Variants in RALGAPA1 observed in about 807,000 individuals in gnomAD.
RALGAPA1 encodes the protein ral GTPase-activating protein subunit alpha-1.
A neutral mutation model predicts 269.6 loss-of-function variants in RALGAPA1; 52 were observed. That is an observed-to-expected ratio of 0.19 (90% CI 0.15 to 0.24). The LOEUF (loss-of-function observed/expected upper bound fraction) is 0.24, where lower values mean the gene tolerates loss of function less well. Ranked by LOEUF, RALGAPA1 falls within the 10% of genes least tolerant of loss-of-function variation. The pLI, the probability that RALGAPA1 is intolerant of heterozygous loss-of-function variation, is 1.00. For missense variants in RALGAPA1, 1,917 were observed against 3,013.9 expected (o/e 0.64, Z 8.52); for synonymous variants, 817 against 1,008.3 (o/e 0.81, Z 3.60).
In RALGAPA1 at chr14:35,766,112, T is replaced by C. The variant is rs1262547459; in HGVS notation, c.326-3359A>G. The C allele has an allele frequency of 7.6e-6, 8 of 1,047,294 alleles. No individual in the cohort carries two copies. The African/African-American group carries it at 1.1e-4, about 14-fold the overall frequency. The allele number at this position is 1,047,294 out of a possible 1,614,324, so 64.9% of individuals were successfully genotyped here. The stretch of plus-strand genomic sequence containing the variant: ...GCTATGCGGCTTTAGGATCAGATAC[T>C]GGAGGGCTGACCAGAAATCCTGCTG... On this transcript the variant is annotated intron_variant, in intron 4 of 41. Coordinates refer to ENST00000680220, the MANE Select transcript of RALGAPA1 (RefSeq NM_001346249.2).
intron 19 of RALGAPA1, 31 bp from the exon 20 acceptor site, chr14:35,685,176 GA>G (rs1271092462): frequency 6.5e-7 from 1 of 1,529,034 alleles, no homozygotes; most frequent in Admixed American, 2.1e-5. Flanking sequence ...TTACCATTAA[GA>G]AAAAGCTTTT....
chr14:35,563,317 T>C (rs768638408), intron 39 of RALGAPA1, among the ~76,000 whole-genome samples: 4 of 152,036 alleles, frequency 2.6e-5, no homozygotes, highest in Non-Finnish European at 5.9e-5. Context: ...GAATAATAAA[T>C]ATGTTAGGTA....
intron 4 of RALGAPA1, among the ~76,000 whole-genome samples, chr14:35,769,036 ATATATATATAT>A (rs764267399): frequency 7.5e-4 from 18 of 24,068 alleles, no homozygotes; most frequent in African/African-American, 2.3e-3. Context: ...AAAAAAAAAA[ATATATATATAT>A]ATATATATAT....
At chr14:35,678,668 T>C (rs1311188825) in intron 21 of RALGAPA1, among the ~76,000 whole-genome samples, 1 of 152,150 alleles carries the variant, frequency 6.6e-6, no homozygotes, top group Non-Finnish European at 1.5e-5. Flanking sequence ...AAGCCCTAAC[T>C]TCCTAGTATG....
intron 41 of RALGAPA1, among the ~76,000 whole-genome samples, chr14:35,543,259 T>C (rs1311381125): frequency 6.6e-6 from 1 of 152,190 alleles, no homozygotes; most frequent in African/African-American, 2.4e-5. Flanking sequence ...TATGCAAAGA[T>C]ATTGGCACAT....
At chr14:35,783,370 C>T (rs2075583931) in intron 1 of RALGAPA1, among the ~76,000 whole-genome samples, 2 of 151,602 alleles carry the variant, frequency 1.3e-5, no homozygotes, top group African/African-American at 4.8e-5. Context: ...TTGTTTGGTA[C>T]CCTTCAAAAG....
chr14:35,805,441 C>CA (rs36002869), intron 1 of RALGAPA1, among the ~76,000 whole-genome samples: 15,181 of 95,094 alleles, frequency 0.16, 917 homozygotes, highest in Non-Finnish European at 0.18. Context: ...GACTCCGTGT[C>CA]AAAAAAAAAA....
chr14:35,696,605 T>TA (rs34309134), intron 17 of RALGAPA1, among the ~76,000 whole-genome samples: 147 of 145,798 alleles, frequency 1.0e-3, no homozygotes, highest in South Asian at 3.7e-3. Context: ...TTTGGTACGT[T>TA]AAAAAAAAAA....
intron 37 of RALGAPA1, among the ~76,000 whole-genome samples, chr14:35,579,658 A>C (rs2057824501): frequency 6.6e-6 from 1 of 151,400 alleles, no homozygotes; most frequent in South Asian, 2.1e-4. Flanking sequence ...GGCCTCTGCT[A>C]TCTCACCCAC....
chr14:35,767,176 T>C (rs1415040892), intron 4 of RALGAPA1: 1 of 177,820 alleles, frequency 5.6e-6, no homozygotes, highest in African/African-American at 2.4e-5. Context: ...GTTTATTTCC[T>C]ATGAATATTG....
chr14:35,562,954 G>A (rs2139327209), intron 39 of RALGAPA1, among the ~76,000 whole-genome samples: 1 of 143,630 alleles, frequency 7.0e-6, no homozygotes, highest in Non-Finnish European at 1.5e-5. Context: ...CCAGGAGGTG[G>A]AGCTTGCAGT....
intron 8 of RALGAPA1, 29 bp downstream of exon 8, chr14:35,751,995 T>A (rs768851427): frequency 1.9e-6 from 3 of 1,562,152 alleles, no homozygotes; most frequent in Non-Finnish European, 2.6e-6. Context: ...TTAAGTGTGA[T>A]CTTTCAGAAA....
chr14:35,798,036 A>T (rs2076705318), intron 1 of RALGAPA1, among the ~76,000 whole-genome samples: 1 of 148,592 alleles, frequency 6.7e-6, no homozygotes, highest in Non-Finnish European at 1.5e-5. Flanking sequence ...CCACATCTGC[A>T]TAATTTTTGT....
At chr14:35,667,574 C>T (rs529760966) in intron 26 of RALGAPA1, among the ~76,000 whole-genome samples, 1 of 152,122 alleles carries the variant, frequency 6.6e-6, no homozygotes, top group East Asian at 1.9e-4. Context: ...TAAGTAGGTC[C>T]AGGATGGGGT....
chr14:35,549,649 T>C (rs924828436), intron 39 of RALGAPA1, among the ~76,000 whole-genome samples: 2 of 152,160 alleles, frequency 1.3e-5, no homozygotes, highest in African/African-American at 4.8e-5. Flanking sequence ...CAAGAAACAT[T>C]GTAATGTTGC....
intron 31 of RALGAPA1, among the ~76,000 whole-genome samples, chr14:35,649,679 T>G (rs1403212429): frequency 3.9e-5 from 6 of 152,190 alleles, no homozygotes; most frequent in Non-Finnish European, 8.8e-5. Context: ...TTAAAAGAAT[T>G]TTTCCTAAAT....
At chr14:35,804,197 C>T (rs934246922) in intron 1 of RALGAPA1, among the ~76,000 whole-genome samples, 1 of 150,562 alleles carries the variant, frequency 6.6e-6, no homozygotes, top group Non-Finnish European at 1.5e-5. Context: ...GGGAGGTGGA[C>T]GTTGCAGTGA....
intron 16 of RALGAPA1, among the ~76,000 whole-genome samples, chr14:35,718,371 C>T (rs891247045): frequency 8.5e-5 from 13 of 152,070 alleles, no homozygotes; most frequent in African/African-American, 3.1e-4. Context: ...AAGCCTGTAT[C>T]GACATAAAGT....
chr14:35,779,106 T>C (rs959347192), intron 1 of RALGAPA1, among the ~76,000 whole-genome samples: 11 of 152,212 alleles, frequency 7.2e-5, no homozygotes, highest in African/African-American at 2.4e-4. Flanking sequence ...ATAAGAATAA[T>C]AGTCATCAAA....
Sources: allele counts gnomAD v4.1 joint callset (sites outside exome capture counted in the v4.1 genomes callset), GRCh38; gene constraint gnomAD v4.1.1; transcripts MANE v1.5; gene names NCBI Gene and HGNC (gene_info 2026-07-23, HGNC 2026-07-21).